MOB2: variants seen among roughly 807,000 people sequenced by gnomAD.
The protein encoded by MOB2 is MOB kinase activator 2, also known as MOB2 Mps One Binder homolog.
MOB2 carries 14 observed loss-of-function variants against 27.4 expected under a neutral mutation model. The observed-to-expected ratio is 0.51, with a 90% confidence interval of 0.34 to 0.80. The LOEUF (loss-of-function observed/expected upper bound fraction) is 0.80. MOB2 is among the 30% of genes least tolerant of loss of function. MOB2 has a pLI of 0.01. For synonymous variants in MOB2, 167 were observed against 151.8 expected (o/e 1.10, Z -0.74); for missense variants, 304 against 354.6 (o/e 0.86, Z 1.15).
At chr11:1,471,516 G>A (rs1564908278) in intron 3 of MOB2, 97 bp from the exon 4 acceptor site, 23 of 1,491,846 alleles carry the variant, frequency 1.5e-5, no homozygotes, top group Non-Finnish European at 1.9e-5. Context: ...CAGAGGTGGC[G>A]CCAGCAGCGG....
intron 1 of MOB2, among the ~76,000 whole-genome samples, chr11:1,482,507 C>T (rs186318499): frequency 5.1e-4 from 77 of 152,302 alleles, no homozygotes; most frequent in Non-Finnish European, 9.4e-4. Flanking sequence ...AGTGAGCAGC[C>T]GCCACTCCGG....
chr11:1,486,340 A>T (rs753556039), intron 1 of MOB2, 107 bp downstream of exon 1: 8 of 839,614 alleles, frequency 9.5e-6, no homozygotes, highest in Non-Finnish European at 1.5e-5. Context: ...GAGGGCAGCC[A>T]CGGACACAGT....
intron 3 of MOB2, among the ~76,000 whole-genome samples, chr11:1,475,989 C>G (rs1266874671): frequency 6.6e-6 from 1 of 152,192 alleles, no homozygotes; most frequent in Non-Finnish European, 1.5e-5. Context: ...TTTGGGCCGC[C>G]TCATGTCACA....
chr11:1,471,293 AC>A lies in MOB2; in HGVS notation c.490+1del. On this transcript the variant is annotated splice_donor_variant, in intron 4 of 4. Transcript: ENST00000329957. LOFTEE classifies it high-confidence loss of function. ...GACCGCCCAGTGCTGGGGGAGACGA[AC>A]CGTATTTTGTGGGGAACACGTCCTC... The A allele has an allele frequency of 6.2e-7, 1 of 1,611,844 alleles. No individual in the cohort carries two copies. The highest frequency in any genetic ancestry group is 8.5e-7 in the Non-Finnish European group (1 of 1,179,054).
At chr11:1,481,113 C>T in intron 1 of MOB2, 2 of 660,308 alleles carry the variant, frequency 3.0e-6, no homozygotes, top group Admixed American at 2.2e-5. Flanking sequence ...GGAAGAAGGG[C>T]TGGCGCTCCC....
At chr11:1,473,430 G>C (rs1315770311) in intron 3 of MOB2, 3 of 152,336 alleles carry the variant, frequency 2.0e-5, no homozygotes, top group Non-Finnish European at 4.4e-5. Flanking sequence ...AGATGGTGTA[G>C]GGGAGGCCCA....
At chr11:1,485,494 G>A (rs923949174) in intron 1 of MOB2, among the ~76,000 whole-genome samples, 2 of 152,238 alleles carry the variant, frequency 1.3e-5, no homozygotes, top group African/African-American at 4.8e-5. Flanking sequence ...GAATGCACAG[G>A]TGATCGGGAG....
Position 1,471,277 on chromosome 11 carries a change from G to A in MOB2, c.490+18C>T. On this transcript the variant is annotated intron_variant, in intron 4 of 4. Transcript: ENST00000329957. ...GCCCCACTGTGAGGATGACCGCCCA[G>A]TGCTGGGGGAGACGAACCGTATTTT... 6.2e-7 allele frequency: 1 copy of A among 1,607,296 alleles called. No homozygotes were observed. Among genetic ancestry groups the A allele is most frequent in the Non-Finnish European group, 8.5e-7 (1 of 1,176,780 alleles).
intron 3 of MOB2, among the ~76,000 whole-genome samples, chr11:1,477,854 A>G (rs1554855): frequency 6.6e-6 from 1 of 152,074 alleles, no homozygotes; most frequent in Non-Finnish European, 1.5e-5. Context: ...ATACATTCTC[A>G]TAAGCTGCCC....
chr11:1,479,573 G>A (rs952042557), intron 3 of MOB2, among the ~76,000 whole-genome samples: 2 of 152,250 alleles, frequency 1.3e-5, no homozygotes, highest in Non-Finnish European at 2.9e-5. Context: ...CCAGCTGCCT[G>A]TGCAGAAGCT....
chr11:1,481,660 C>T (rs977375825), intron 1 of MOB2: 1 of 151,956 alleles, frequency 6.6e-6, no homozygotes. Context: ...CCAGCGCAGG[C>T]CTCTGGGGGC....
intron 3 of MOB2, among the ~76,000 whole-genome samples, chr11:1,473,964 G>T (rs940785051): frequency 2.0e-5 from 1 of 51,114 alleles, no homozygotes; most frequent in Non-Finnish European, 5.0e-5. Context: ...CAGTCACGTG[G>T]CAGACGTGTC....
intron 1 of MOB2, among the ~76,000 whole-genome samples, chr11:1,481,830 C>T (rs934304031): frequency 7.2e-5 from 11 of 152,060 alleles, no homozygotes; most frequent in East Asian, 5.8e-4. Flanking sequence ...GAGCACAGGG[C>T]GTGGGGTCTG....
Position 1,471,306 on chromosome 11 carries a change from G to C in MOB2, c.479C>G (p.Pro160Arg). 6.2e-7 allele frequency: 1 copy of C among 1,612,858 alleles called. No homozygotes were observed. The highest frequency in any genetic ancestry group is 8.5e-7 in the Non-Finnish European group (1 of 1,179,514). Residue 160 changes from proline to arginine, a missense_variant, in exon 4 of 5, where the codon CCC becomes CGC. Transcript: ENST00000329957. ...TGGGGGAGACGAACCGTATTTTGTG[G>C]GGAACACGTCCTCATCCGTCACCAG... is the stretch of plus-strand genomic sequence containing the variant. ...QKLVTDEDVF[P>R]TKYGREFPSS...
At chr11:1,484,813 C>T (rs895291473) in intron 1 of MOB2, among the ~76,000 whole-genome samples, 3 of 152,210 alleles carry the variant, frequency 2.0e-5, no homozygotes, top group African/African-American at 7.2e-5. Context: ...GAGCCCCTGT[C>T]CATCTCTCAG....
chr11:1,484,558 C>T (rs2133369082), intron 1 of MOB2, among the ~76,000 whole-genome samples: 1 of 152,252 alleles, frequency 6.6e-6, no homozygotes, highest in South Asian at 2.1e-4. Flanking sequence ...GCCTGGGTCT[C>T]AGCACACCTT....
At chr11:1,480,939 C>G in intron 1 of MOB2, 54 bp from the exon 2 acceptor site, 2 of 1,541,026 alleles carry the variant, frequency 1.3e-6, no homozygotes, top group Non-Finnish European at 1.8e-6. Context: ...GACCCAGGGT[C>G]TGCCCGGGGG....
At chr11:1,480,659 C>A in intron 2 of MOB2, 66 bp downstream of exon 2, 1 of 1,575,670 alleles carries the variant, frequency 6.3e-7, no homozygotes, top group South Asian at 1.2e-5. Flanking sequence ...GGGGGTCCCC[C>A]TTGAGGAGGG....
intron 1 of MOB2, among the ~76,000 whole-genome samples, chr11:1,481,848 G>A (rs1847919281): frequency 6.6e-6 from 1 of 152,188 alleles, no homozygotes; most frequent in Non-Finnish European, 1.5e-5. Context: ...CTGAGGAAGA[G>A]GAAGCACAGG....
Sources: gnomAD v4.1 joint callset for allele counts (sites outside exome capture counted in the v4.1 genomes callset) on GRCh38, gnomAD v4.1.1 for gene constraint, MANE v1.5 for transcripts, NCBI Gene and HGNC (gene_info 2026-07-23, HGNC 2026-07-21) for gene names.